KCNQ1: variants seen among roughly 807,000 people sequenced by gnomAD.
KCNQ1 encodes the protein potassium voltage-gated channel subfamily Q member 1, also known as potassium voltage-gated channel subfamily KQT member 1.
In KCNQ1, 49 loss-of-function variants were observed where a neutral mutation model predicts 72.4. The ratio of observed to expected loss-of-function variants is 0.68; its 90% CI spans 0.54 to 0.86. KCNQ1 has a LOEUF of 0.86. KCNQ1 is among the 40% of genes least tolerant of loss of function. The pLI, the probability that KCNQ1 is intolerant of heterozygous loss-of-function variation, is 0.00. For synonymous variants in KCNQ1, 450 were observed against 412.6 expected (o/e 1.09, Z -1.10); for missense variants, 790 against 945.1 (o/e 0.84, Z 2.15).
rs534486844 is a variant in KCNQ1, at chr11:2,824,517, G to A, written c.1795-23250G>A. On this transcript the variant is annotated intron_variant, in intron 15 of 15. Transcript: ENST00000155840. This position sits in a 1 kb window ranked among gnomAD's most constrained non-coding sequence, Gnocchi z 5.9. ...GGTGTCCACGTGGAGGTGTTTGCCC[G>A]GCAGTTTAGGCTGCAAGGCTCAGCA... Among the ~76,000 whole-genome samples, 50 of 152,270 alleles carry A rather than the reference G, an allele frequency of 3.3e-4. No homozygotes were observed. The highest frequency in any genetic ancestry group is 1.1e-3 in the African/African-American group (46 of 41,546).
intron 15 of KCNQ1, among the ~76,000 whole-genome samples, chr11:2,802,307 C>A (rs929234923): frequency 4.6e-5 from 7 of 152,220 alleles, no homozygotes; most frequent in African/African-American, 1.7e-4. Context: ...TGGCTCCGGC[C>A]CTGTCGCCAG....
At chr11:2,606,547 C>T (rs1404119970) in intron 10 of KCNQ1, among the ~76,000 whole-genome samples, 3 of 152,190 alleles carry the variant, frequency 2.0e-5, no homozygotes, top group East Asian at 1.9e-4. Context: ...CTCTGCCTTT[C>T]GCCATGATTG....
rs1002050874 is a variant in KCNQ1 at position 2,778,636 on chromosome 11, C to T, written c.1794+599C>T. Among the ~76,000 whole-genome samples, 5 of 112,072 alleles carry T rather than the reference C, an allele frequency of 4.5e-5. No individual in the cohort carries two copies. In the South Asian group the frequency reaches 8.8e-4, roughly 20 times the overall value. 73.5% of individuals were successfully genotyped at this position (112,072 alleles called of 152,430 possible). On this transcript the variant is annotated intron_variant, in intron 15 of 15. Transcript: ENST00000155840. ...CCTGGGAGCTGCCGGGGGATCTGGG[C>T]GGTGGGAGGGCCTTTCTCGGGCCCA...
chr11:2,833,537 C>T (rs985280012), intron 15 of KCNQ1, among the ~76,000 whole-genome samples: 4 of 152,248 alleles, frequency 2.6e-5, no homozygotes, highest in Non-Finnish European at 5.9e-5. Flanking sequence ...CAGGGGTCCC[C>T]GAGCATCCCC....
chr11:2,837,996 G>GC (rs1159536659), intron 15 of KCNQ1, among the ~76,000 whole-genome samples: 2 of 152,254 alleles, frequency 1.3e-5, no homozygotes, highest in Non-Finnish European at 2.9e-5. Flanking sequence ...GGGGTCATGG[G>GC]CCCCAGAGGC....
At chr11:2,795,693 C>G (rs1847114946) in intron 15 of KCNQ1, among the ~76,000 whole-genome samples, 1 of 152,250 alleles carries the variant, frequency 6.6e-6, no homozygotes. Context: ...CAGCCCCCAG[C>G]TACAGATCCC....
At position 2,471,717 on chromosome 11, in the gene KCNQ1, T is replaced by G. The variant is rs2133597851; in HGVS notation, c.386+26233T>G. Reference sequence around the variant, plus strand: ...GCATGTGTGTATAGGTGTGTGTATGTGTGCATGGGCGTGTGTATGTGTGCA... The same window carrying G: ...GCATGTGTGTATAGGTGTGTGTATGGGTGCATGGGCGTGTGTATGTGTGCA... On this transcript the variant is annotated intron_variant, in intron 1 of 15. Transcript: ENST00000155840. This position sits in a 1 kb window ranked among gnomAD's most constrained non-coding sequence, Gnocchi z 4.8. 6.9e-6 allele frequency among the ~76,000 whole-genome samples: 1 copy of G among 144,268 alleles called. No homozygotes were observed. Among genetic ancestry groups the G allele is most frequent in the African/African-American group, 2.9e-5 (1 of 34,960 alleles). 94.6% of individuals were successfully genotyped at this position (144,268 alleles called of 152,430 possible). A position where few individuals can be genotyped will look rare whatever the true frequency, so the allele number is the denominator to read the frequency against.
In KCNQ1 at chr11:2,629,434, G is replaced by C. The variant is rs559762349; in HGVS notation, c.1394-32527G>C. 3 of 398,284 alleles carry C rather than the reference G, an allele frequency of 7.5e-6. No homozygotes were observed. The South Asian group carries it at 3.8e-4, about 51-fold the overall frequency. 24.7% of individuals were successfully genotyped at this position (398,284 alleles called of 1,614,324 possible). On this transcript the variant is annotated intron_variant, in intron 10 of 15. Transcript: ENST00000155840. ...CAATGTCATGCAGTTTTTGCCCCAT[G>C]TTTTCTTCTAAGAGTTTTATAGTTT...
intron 15 of KCNQ1, among the ~76,000 whole-genome samples, chr11:2,837,299 G>T (rs1012853593): frequency 6.6e-6 from 1 of 152,150 alleles, no homozygotes; most frequent in Non-Finnish European, 1.5e-5. Context: ...TCTCAGTGGT[G>T]CCCAGGGAGC....
Position 2,624,286 on chromosome 11 carries a change from G to C in KCNQ1, c.1393+35432G>C, listed in dbSNP as rs909002659. The C allele has an allele frequency of 5.0e-6, 2 of 398,364 alleles. No individual in the cohort carries two copies. The highest frequency in any genetic ancestry group is 4.1e-5 in the African/African-American group (2 of 48,602). The allele number at this position is 398,364 out of a possible 1,614,324, so 24.7% of individuals were successfully genotyped here. A position where few individuals can be genotyped will look rare whatever the true frequency, so the allele number is the denominator to read the frequency against. On this transcript the variant is annotated intron_variant, in intron 10 of 15. Transcript: ENST00000155840. The surrounding 1 kb of genome is among the most constrained non-coding windows in gnomAD (Gnocchi z 4.9). Reference sequence around the variant, plus strand: ...AGATTGTTTGTTTTCTAATTGTTATGTTTTTAAGGTTCTTTATATATTTTG... The same window carrying C: ...AGATTGTTTGTTTTCTAATTGTTATCTTTTTAAGGTTCTTTATATATTTTG...
At chr11:2,480,609 T>A (rs759123698) in intron 1 of KCNQ1, among the ~76,000 whole-genome samples, 19 of 152,184 alleles carry the variant, frequency 1.2e-4, no homozygotes, top group Non-Finnish European at 2.1e-4. Context: ...CAGTTCAAGA[T>A]GAGATTTGGG....
chr11:2,536,648 G>A lies in KCNQ1; in HGVS notation c.477+8630G>A, dbSNP rs1847736414. Among the ~76,000 whole-genome samples, 1 of 152,192 alleles carries A rather than the reference G, an allele frequency of 6.6e-6. No individual in the cohort carries two copies. The highest frequency in any genetic ancestry group is 2.4e-5 in the African/African-American group (1 of 41,452). ...TTTGGGCCACAGCAGTGGCTTCCCA[G>A]GCTGGGCTTCAAAACCGGACACAGG... On this transcript the variant is annotated intron_variant, in intron 2 of 15. Transcript: ENST00000155840. The surrounding 1 kb of genome is among the most constrained non-coding windows in gnomAD (Gnocchi z 7.4).
intron 11 of KCNQ1, among the ~76,000 whole-genome samples, chr11:2,736,372 C>T (rs1388372943): frequency 6.6e-6 from 1 of 152,164 alleles, no homozygotes; most frequent in Non-Finnish European, 1.5e-5. Flanking sequence ...TGCCGAGGGC[C>T]CAGGTCCCAG....
At chr11:2,778,118 C>T (rs1187742728) in intron 15 of KCNQ1, 81 bp downstream of exon 15, 13 of 1,364,214 alleles carry the variant, frequency 9.5e-6, no homozygotes, top group South Asian at 2.3e-5. Context: ...TGCGTGTGAA[C>T]GTGAAGCTCC....
chr11:2,757,490 G>A (rs1846322580), intron 11 of KCNQ1, among the ~76,000 whole-genome samples: 2 of 152,188 alleles, frequency 1.3e-5, no homozygotes, highest in South Asian at 4.1e-4. Flanking sequence ...AAACATTTCA[G>A]TTCTCCTTAG....
At chr11:2,686,322 C>T (rs1850489063) in intron 11 of KCNQ1, 3 of 398,608 alleles carry the variant, frequency 7.5e-6, no homozygotes, top group Non-Finnish European at 1.3e-5. Flanking sequence ...TCACCTGGCC[C>T]GTCCCACCTG....
rs918283967 is a variant in KCNQ1 at position 2,803,182 on chromosome 11, C to T, written c.1794+25145C>T. Among the ~76,000 whole-genome samples the T allele has an allele frequency of 3.3e-5, 5 of 152,016 alleles. No individual in the cohort carries two copies. The highest frequency in any genetic ancestry group is 7.3e-5 in the African/African-American group (3 of 41,366). On this transcript the variant is annotated intron_variant, in intron 15 of 15. Transcript: ENST00000155840. The surrounding 1 kb of genome is among the most constrained non-coding windows in gnomAD (Gnocchi z 6.4). ...CCCCCCCCCACGGGCACCCAGGAAC[C>T]GCCCTGGCTTTGCTGGAGGACCTGC... is the stretch of plus-strand genomic sequence containing the variant.
rs1847859574 is a variant in KCNQ1, at chr11:2,543,661, A to G, written c.477+15643A>G. ...TTTAAATATGTTTCATGCTTTTCACATTCTATTTAGGAAATGCTTACCAAA... is the reference window on the plus strand; with the variant it reads ...TTTAAATATGTTTCATGCTTTTCACGTTCTATTTAGGAAATGCTTACCAAA... On this transcript the variant is annotated intron_variant, in intron 2 of 15. Transcript: ENST00000155840. This position sits in a 1 kb window ranked among gnomAD's most constrained non-coding sequence, Gnocchi z 5.6. Among the ~76,000 whole-genome samples the G allele has an allele frequency of 6.6e-6, 1 of 152,172 alleles. No homozygotes were observed. Among genetic ancestry groups the G allele is most frequent in the Non-Finnish European group, 1.5e-5 (1 of 68,012 alleles).
rs750499842 is a variant in KCNQ1 at position 2,445,285 on chromosome 11, C to CCCCCTGCGT, written c.192_200dup (p.Ser66_Ala68dup). The CCCCCTGCGT allele has an allele frequency of 3.0e-6, 4 of 1,330,512 alleles. No homozygotes were observed. The highest frequency in any genetic ancestry group is 2.0e-5 in the South Asian group (1 of 50,070). 82.4% of individuals were successfully genotyped at this position (1,330,512 alleles called of 1,614,324 possible). ...CGCGCCCGGCGCCCCAGGTCCCGCGCCCCCTGCGTCCCCGGCCGCGCCCGC... is the reference window on the plus strand; with the variant it reads ...CGCGCCCGGCGCCCCAGGTCCCGCGCCCCCTGCGTCCCCTGCGTCCCCGGCCGCGCCCGC... On this transcript the variant is annotated inframe_insertion, in exon 1 of 16. Transcript: ENST00000155840.
Sources: allele counts gnomAD v4.1 joint callset (sites outside exome capture counted in the v4.1 genomes callset), GRCh38; gene constraint gnomAD v4.1.1; non-coding constraint Gnocchi (gnomAD v3.1); transcripts MANE v1.5; gene names NCBI Gene and HGNC (gene_info 2026-07-23, HGNC 2026-07-21).